Variants in DOCK5 observed in about 807,000 individuals in gnomAD.
DOCK5 encodes dedicator of cytokinesis 5, also known as dedicator of cytokinesis protein 5.
Under a neutral mutation model 251.8 loss-of-function variants are expected in DOCK5, and 142 were observed. The ratio of observed to expected loss-of-function variants is 0.56; its 90% CI spans 0.49 to 0.65. The LOEUF (loss-of-function observed/expected upper bound fraction) is 0.65. Among genes scored for constraint, DOCK5 ranks in the 30% least tolerant of loss-of-function variants. DOCK5 has a pLI of 0.00. For missense variants in DOCK5, 2,111 were observed against 2,312.3 expected (o/e 0.91, Z 1.79); for synonymous variants, 842 against 835.5 (o/e 1.01, Z -0.13).
chr8:25,384,030 C>T (rs546980525), intron 40 of DOCK5, among the ~76,000 whole-genome samples: 1 of 152,302 alleles, frequency 6.6e-6, no homozygotes, highest in South Asian at 2.1e-4. Context: ...ATCCACGTGT[C>T]CCTGAACTGG....
Position 25,319,603 on chromosome 8 carries a change from A to G in DOCK5, c.1469A>G (p.Tyr490Cys). 2 of 1,587,328 alleles carry G rather than the reference A, an allele frequency of 1.3e-6. No individual in the cohort carries two copies. Among genetic ancestry groups the G allele is most frequent in the Non-Finnish European group, 8.6e-7 (1 of 1,166,228 alleles). ...AAAGCAATTCACCCTGGTGCTGGAT[A>G]TGAAGGCATTTCAGAATACAAATCA... ...LEKAIHPGAG[Y>C]EGISEYKSVV... Residue 490 changes from tyrosine to cysteine, a missense_variant, in exon 15 of 52, where the codon TAT becomes TGT. Transcript: ENST00000276440.
intron 2 of DOCK5, among the ~76,000 whole-genome samples, chr8:25,248,625 C>T (rs775481542): frequency 1.2e-4 from 18 of 152,020 alleles, no homozygotes; most frequent in South Asian, 1.0e-3. Context: ...TTCTGCCCAC[C>T]GCCCGGGACA....
At chr8:25,322,322 C>T (rs1805445560) in intron 16 of DOCK5, among the ~76,000 whole-genome samples, 1 of 152,196 alleles carries the variant, frequency 6.6e-6, no homozygotes, top group South Asian at 2.1e-4. Context: ...TAGCACAGCA[C>T]CTTACCCAGT....
chr8:25,265,014 A>G (rs761947462), intron 2 of DOCK5, among the ~76,000 whole-genome samples: 17 of 151,842 alleles, frequency 1.1e-4, no homozygotes, highest in Non-Finnish European at 1.8e-4. Flanking sequence ...GTGTCTGGTA[A>G]TTAATCTTGG....
At chr8:25,254,807 A>AAAAAAAT (rs1803376813) in intron 2 of DOCK5, among the ~76,000 whole-genome samples, 1 of 137,812 alleles carries the variant, frequency 7.3e-6, no homozygotes, top group Admixed American at 7.3e-5. Flanking sequence ...AAAAAAAAAC[A>AAAAAAAT]TTTGATAAAG....
intron 20 of DOCK5, 48 bp downstream of exon 20, chr8:25,332,740 G>C: frequency 7.2e-7 from 1 of 1,396,202 alleles, no homozygotes. Context: ...CAACTTTGTA[G>C]TTTTCAATAT....
chr8:25,326,117 A>C (rs993616017), intron 18 of DOCK5, among the ~76,000 whole-genome samples: 19 of 152,316 alleles, frequency 1.2e-4, no homozygotes, highest in Non-Finnish European at 1.3e-4. Flanking sequence ...TCTCTTGTGT[A>C]GATTATGACA....
chr8:25,390,434 C>G, intron 42 of DOCK5, 147 bp downstream of exon 42: 1 of 654,706 alleles, frequency 1.5e-6, no homozygotes, highest in Non-Finnish European at 2.5e-6. Context: ...AAGTGGGATG[C>G]TGTCTCTACA....
At chr8:25,395,870 T>C (rs1312445607) in intron 45 of DOCK5, 151 bp downstream of exon 45, 3 of 973,772 alleles carry the variant, frequency 3.1e-6, no homozygotes, top group Admixed American at 2.0e-5. Context: ...AATGAAACGA[T>C]TGTCCCTGAC....
At chr8:25,202,643 A>G (rs993962357) in intron 1 of DOCK5, among the ~76,000 whole-genome samples, 9 of 152,210 alleles carry the variant, frequency 5.9e-5, no homozygotes, top group Non-Finnish European at 1.2e-4. Context: ...TCCTCAAGGC[A>G]TGCTTGAAAC....
chr8:25,348,113 T>A (rs1435530689), intron 26 of DOCK5, among the ~76,000 whole-genome samples: 2 of 152,248 alleles, frequency 1.3e-5, no homozygotes, highest in Admixed American at 1.3e-4. Context: ...TTGAAATATG[T>A]GCACTAGTTC....
chr8:25,298,892 A>T, intron 7 of DOCK5, 52 bp from the exon 8 acceptor site: 2 of 1,546,680 alleles, frequency 1.3e-6, no homozygotes, highest in East Asian at 4.7e-5. Flanking sequence ...TTTTGCCAAC[A>T]TTTCCCATTT....
At chr8:25,317,397 A>T in intron 14 of DOCK5, 1 of 316,566 alleles carries the variant, frequency 3.2e-6, no homozygotes, top group Non-Finnish European at 5.9e-6. Context: ...TAAGCTTCCA[A>T]TGCAGATGTT....
At chr8:25,331,522 A>T (rs1805681463) in intron 18 of DOCK5, among the ~76,000 whole-genome samples, 1 of 152,144 alleles carries the variant, frequency 6.6e-6, no homozygotes, top group Admixed American at 6.5e-5. Context: ...GACTTATGCT[A>T]AGGGTTATGA....
intron 33 of DOCK5, among the ~76,000 whole-genome samples, chr8:25,369,046 C>T (rs2117280550): frequency 6.6e-6 from 1 of 152,282 alleles, no homozygotes; most frequent in African/African-American, 2.4e-5. Flanking sequence ...AATTTAAAAA[C>T]CTATCTATTA....
intron 5 of DOCK5, among the ~76,000 whole-genome samples, chr8:25,286,510 CT>C (rs1804337571): frequency 6.6e-6 from 1 of 152,168 alleles, no homozygotes; most frequent in African/African-American, 2.4e-5. Context: ...AGTACCCATA[CT>C]TTCAGCCAAG....
At chr8:25,187,364 T>TTGTGTGTG (rs34685735) in intron 1 of DOCK5, among the ~76,000 whole-genome samples, 330 of 136,604 alleles carry the variant, frequency 2.4e-3, no homozygotes, top group African/African-American at 8.5e-3. Flanking sequence ...TGGGTGGAAA[T>TTGTGTGTG]TGTGTGTGTG....
intron 28 of DOCK5, among the ~76,000 whole-genome samples, chr8:25,362,175 G>A (rs1159740028): frequency 1.3e-5 from 2 of 152,134 alleles, no homozygotes; most frequent in African/African-American, 2.4e-5. Flanking sequence ...ACATGATAAC[G>A]TCCCTGGCGC....
chr8:25,286,650 T>G (rs1187626434), intron 5 of DOCK5, among the ~76,000 whole-genome samples: 6 of 151,910 alleles, frequency 3.9e-5, no homozygotes, highest in Non-Finnish European at 8.8e-5. Flanking sequence ...GTCTGCATTG[T>G]TTTTCTCTTT....
Sources: gnomAD v4.1 joint callset for allele counts (sites outside exome capture counted in the v4.1 genomes callset) on GRCh38, gnomAD v4.1.1 for gene constraint, MANE v1.5 for transcripts, NCBI Gene and HGNC (gene_info 2026-07-23, HGNC 2026-07-21) for gene names.